Variants in CFDP1 observed in about 807,000 individuals in gnomAD.
The protein encoded by CFDP1 is chromatin remodeling protein CFDP1, also known as heterochromatin-stabilizing protein CFDP1.
In CFDP1, 31 loss-of-function variants were observed where a neutral mutation model predicts 40.1. The ratio of observed to expected loss-of-function variants is 0.77; its 90% CI spans 0.58 to 1.04. CFDP1 has a LOEUF of 1.04. Ranked by LOEUF, CFDP1 falls within the 50% of genes least tolerant of loss-of-function variation. The probability of loss-of-function intolerance (pLI) is 0.00; values close to 1 mark genes in which losing one functional copy is unlikely to be tolerated. For missense variants in CFDP1, 423 were observed against 343.4 expected, an observed-to-expected ratio of 1.23 and a Z score of -1.83; for synonymous variants, 167 against 120.0, an observed-to-expected ratio of 1.39 and a Z score of -2.56.
intron 5 of CFDP1, among the ~76,000 whole-genome samples, chr16:75,342,471 G>C (rs147202034): frequency 6.6e-6 from 1 of 152,254 alleles, no homozygotes; most frequent in East Asian, 1.9e-4. Flanking sequence ...TTAACAGAAA[G>C]GCTGTAAAAG....
At position 75,432,328 on chromosome 16, in the gene CFDP1, G is replaced by C. The variant is rs187326210; in HGVS notation, c.64+961C>G. On this transcript the variant is annotated intron_variant, in intron 1 of 6. Coordinates refer to ENST00000283882, the MANE Select transcript of CFDP1 (RefSeq NM_006324.3). ...AGGTGGGAGGATCACTTGAGCCCAC[G>C]AGTTCGAGACCAGCCTGGGCAACAT... Among the ~76,000 whole-genome samples, 9 of 139,496 alleles carry C rather than the reference G, an allele frequency of 6.5e-5. No individual in the cohort carries two copies. The East Asian group carries it at 1.5e-3, about 24-fold the overall frequency. The allele number at this position is 139,496 out of a possible 152,430, so 91.5% of individuals were successfully genotyped here. A position where few individuals can be genotyped will look rare whatever the true frequency, so the allele number is the denominator to read the frequency against.
At chr16:75,329,425 T>C (rs868577463) in intron 5 of CFDP1, among the ~76,000 whole-genome samples, 2 of 152,172 alleles carry the variant, frequency 1.3e-5, no homozygotes, top group African/African-American at 2.4e-5. Context: ...TATGCATCCG[T>C]GTGACTTTGA....
rs916021861 is a variant in CFDP1, at chr16:75,432,136, T to A, written c.64+1153A>T. Among the ~76,000 whole-genome samples the A allele has an allele frequency of 9.9e-5, 15 of 151,122 alleles. No individual in the cohort carries two copies. The East Asian group carries it at 1.0e-3, about 10-fold the overall frequency. On this transcript the variant is annotated intron_variant, in intron 1 of 6. Transcript: ENST00000283882. ...CATGTTGTCCAGGATGGTCTCGATC[T>A]CCAGACCTTGTGATCCACCCACCTC...
At chr16:75,393,774 G>GTT (rs2078972921) in intron 5 of CFDP1, among the ~76,000 whole-genome samples, 11 of 109,060 alleles carry the variant, frequency 1.0e-4, no homozygotes, top group South Asian at 6.6e-4. Context: ...AAAAAAAAAA[G>GTT]TGGGGCCGGG....
chr16:75,415,902 G>C (rs1025527252), intron 1 of CFDP1, among the ~76,000 whole-genome samples: 5 of 152,252 alleles, frequency 3.3e-5, no homozygotes, highest in African/African-American at 1.2e-4. Context: ...ACCCAGGCTG[G>C]AGTGCAGTGG....
At chr16:75,430,784 G>A (rs961550429) in intron 1 of CFDP1, among the ~76,000 whole-genome samples, 3 of 152,146 alleles carry the variant, frequency 2.0e-5, no homozygotes, top group African/African-American at 7.2e-5. Flanking sequence ...TTATCATACA[G>A]ATGAAGCTTT....
intron 5 of CFDP1, among the ~76,000 whole-genome samples, chr16:75,322,466 T>C (rs1424388649): frequency 6.6e-6 from 1 of 152,224 alleles, no homozygotes; most frequent in African/African-American, 2.4e-5. Context: ...ACTACAGGCT[T>C]ACATTGTGTG....
intron 5 of CFDP1, chr16:75,321,973 G>C (rs961667412): frequency 6.6e-6 from 1 of 152,194 alleles, no homozygotes. Flanking sequence ...ACAGGCGCCC[G>C]CCACCATACC....
At chr16:75,375,518 G>A (rs1422066951) in intron 5 of CFDP1, among the ~76,000 whole-genome samples, 6 of 152,112 alleles carry the variant, frequency 3.9e-5, no homozygotes, top group African/African-American at 7.2e-5. Flanking sequence ...AAGGCTGGGC[G>A]CGGTGGCTCA....
intron 5 of CFDP1, among the ~76,000 whole-genome samples, chr16:75,373,606 A>G (rs2078769912): frequency 6.6e-6 from 1 of 152,226 alleles, no homozygotes; most frequent in Non-Finnish European, 1.5e-5. Context: ...AGCTAGAGAT[A>G]CACACTGTAT....
chr16:75,378,339 T>C (rs78202408), intron 5 of CFDP1, among the ~76,000 whole-genome samples: 2,348 of 152,080 alleles, frequency 0.015, 58 homozygotes, highest in African/African-American at 0.053. Context: ...ATTCCAATCA[T>C]ATAACAGACA....
At chr16:75,325,824 T>C (rs1224790637) in intron 5 of CFDP1, among the ~76,000 whole-genome samples, 1 of 152,204 alleles carries the variant, frequency 6.6e-6, no homozygotes, top group Admixed American at 6.5e-5. Context: ...TCAAGCTAGC[T>C]AGGTTTTCTA....
intron 5 of CFDP1, among the ~76,000 whole-genome samples, chr16:75,344,007 T>C (rs1356067136): frequency 6.6e-6 from 1 of 152,204 alleles, no homozygotes; most frequent in Non-Finnish European, 1.5e-5. Context: ...CAGGAAACAG[T>C]TTCCCCCATT....
At chr16:75,313,868 T>C (rs1027297173) in intron 5 of CFDP1, among the ~76,000 whole-genome samples, 3 of 150,698 alleles carry the variant, frequency 2.0e-5, no homozygotes, top group African/African-American at 7.3e-5. Flanking sequence ...GTCAAATGAG[T>C]GAGTGTTCAG....
At chr16:75,382,661 G>A (rs548140412) in intron 5 of CFDP1, among the ~76,000 whole-genome samples, 3 of 152,332 alleles carry the variant, frequency 2.0e-5, no homozygotes, top group Admixed American at 6.5e-5. Flanking sequence ...CGTGATGCTT[G>A]TGGTTACTGT....
chr16:75,372,711 AT>A (rs1370155685), intron 5 of CFDP1: 2 of 152,224 alleles, frequency 1.3e-5, no homozygotes, highest in Non-Finnish European at 2.9e-5. Flanking sequence ...TGAGAGAAAA[AT>A]AAAACCATCA....
At chr16:75,363,942 AACACACAC>A (rs10635711) in intron 5 of CFDP1, among the ~76,000 whole-genome samples, 4 of 142,828 alleles carry the variant, frequency 2.8e-5, no homozygotes, top group Non-Finnish European at 4.5e-5. Flanking sequence ...AAAGAGGTGA[AACACACAC>A]ACACACACAC....
At chr16:75,352,040 G>A (rs901320602) in intron 5 of CFDP1, among the ~76,000 whole-genome samples, 18 of 124,548 alleles carry the variant, frequency 1.4e-4, no homozygotes, top group African/African-American at 5.3e-4. Flanking sequence ...AAAAGAAAAG[G>A]TAAATGAAAG....
chr16:75,316,942 C>T (rs28368934), intron 5 of CFDP1, among the ~76,000 whole-genome samples: 49,099 of 152,002 alleles, frequency 0.32, 8,973 homozygotes, highest in African/African-American at 0.49. Flanking sequence ...GATCGCACCA[C>T]TGCACTCCAG....
Sources: gnomAD v4.1 joint callset for allele counts (sites outside exome capture counted in the v4.1 genomes callset) on GRCh38, gnomAD v4.1.1 for gene constraint, MANE v1.5 for transcripts, NCBI Gene and HGNC (gene_info 2026-07-23, HGNC 2026-07-21) for gene names.